PIGL: variants seen among roughly 807,000 people sequenced by gnomAD.
PIGL encodes phosphatidylinositol glycan anchor biosynthesis class L, also known as N-acetylglucosaminyl-phosphatidylinositol de-N-acetylase.
PIGL carries 22 observed loss-of-function variants against 31.1 expected under a neutral mutation model. The ratio of observed to expected loss-of-function variants is 0.71; its 90% CI spans 0.51 to 1.01. The LOEUF (loss-of-function observed/expected upper bound fraction) is 1.01, where lower values mean the gene tolerates loss of function less well. Among genes scored for constraint, PIGL ranks in the 50% least tolerant of loss-of-function variants. The pLI is 0.00. For synonymous variants in PIGL, 131 were observed against 117.4 expected (o/e 1.12, Z -0.75); for missense variants, 302 against 315.9 (o/e 0.96, Z 0.33).
intron 1 of PIGL, 185 bp downstream of exon 1, chr17:16,217,646 A>ATCTACACTCCAACCAT: frequency 5.9e-6 from 3 of 511,620 alleles, no homozygotes; most frequent in Admixed American, 7.2e-5. Context: ...GGGTTGGGGG[A>ATCTACACTCCAACCAT]CGTCGGCAGC....
At chr17:16,311,994 T>C (rs1198017069) in intron 3 of PIGL, among the ~76,000 whole-genome samples, 10 of 151,396 alleles carry the variant, frequency 6.6e-5, no homozygotes, top group Non-Finnish European at 1.3e-4. Flanking sequence ...GACGGGGTGG[T>C]GGCCGGGCAG....
intron 1 of PIGL, among the ~76,000 whole-genome samples, chr17:16,228,050 CT>C (rs113533456): frequency 0.022 from 2,817 of 127,762 alleles, 54 homozygotes; most frequent in African/African-American, 0.068. Context: ...CCATTTTAAA[CT>C]TTTTTTTTTT....
intron 5 of PIGL, chr17:16,317,301 GTTTGTTTGA>G: frequency 1.0e-6 from 1 of 1,001,522 alleles, no homozygotes; most frequent in Non-Finnish European, 1.2e-6. Flanking sequence ...CATGACTATA[GTTTGTTTGA>G]TTCTTATATC....
chr17:16,307,611 G>T (rs1458828858), intron 3 of PIGL, among the ~76,000 whole-genome samples: 1 of 152,136 alleles, frequency 6.6e-6, no homozygotes, highest in Non-Finnish European at 1.5e-5. Flanking sequence ...CCCAGTGCCT[G>T]GTACAGAGTA....
intron 6 of PIGL, among the ~76,000 whole-genome samples, chr17:16,325,088 G>A (rs556150496): frequency 4.6e-5 from 7 of 152,184 alleles, no homozygotes; most frequent in African/African-American, 1.7e-4. Context: ...GCTCACGCCT[G>A]TAATCCCAGC....
chr17:16,313,647 G>T, intron 4 of PIGL, 33 bp downstream of exon 4: 1 of 1,541,470 alleles, frequency 6.5e-7, no homozygotes, highest in Non-Finnish European at 9.0e-7. Flanking sequence ...TGTGGGGGAG[G>T]GTTTGTTTAT....
In PIGL at chr17:16,255,304, C is replaced by T. The variant is rs1222966855; in HGVS notation, c.335+21234C>T. Among the ~76,000 whole-genome samples, 4 of 152,240 alleles carry T rather than the reference C, an allele frequency of 2.6e-5. No homozygotes were observed. In the East Asian group the frequency reaches 7.7e-4, roughly 29 times the overall value. ...ACTTAGGTTTGAAAGTATTTTTCTA[C>T]ATCTATTTATTTTGCCATTCTACAG... On this transcript the variant is annotated intron_variant, in intron 2 of 6. Coordinates refer to ENST00000225609, the MANE Select transcript of PIGL (RefSeq NM_004278.4).
At chr17:16,278,489 T>C (rs1194113015) in intron 2 of PIGL, among the ~76,000 whole-genome samples, 1 of 152,256 alleles carries the variant, frequency 6.6e-6, no homozygotes, top group East Asian at 1.9e-4. Flanking sequence ...CCCTTTACAA[T>C]TTTTGTTAAA....
chr17:16,258,147 G>A (rs1166668616), intron 2 of PIGL, among the ~76,000 whole-genome samples: 1 of 148,084 alleles, frequency 6.8e-6, no homozygotes, highest in African/African-American at 2.5e-5. Flanking sequence ...GAAAGAGAGA[G>A]AGAGAGAGAG....
chr17:16,229,858 A>ATTTTTTTTTTTTTTTTTTTTTT (rs71150280), intron 1 of PIGL, among the ~76,000 whole-genome samples: 1 of 97,700 alleles, frequency 1.0e-5, no homozygotes, highest in African/African-American at 4.3e-5. Flanking sequence ...TAAAGTCATG[A>ATTTTTTTTTTTTTTTTTTTTTT]TTTTTTTTTT....
chr17:16,234,227 T>C (rs2092690679), intron 2 of PIGL, 157 bp downstream of exon 2: 2 of 506,452 alleles, frequency 3.9e-6, no homozygotes, highest in Non-Finnish European at 7.1e-6. Context: ...CCCAGTACTT[T>C]GGGAGGCCGA....
At chr17:16,301,570 ATT>A (rs3034004) in intron 3 of PIGL, among the ~76,000 whole-genome samples, 47,539 of 111,954 alleles carry the variant, frequency 0.42, 9,339 homozygotes, top group Middle Eastern at 0.57. Context: ...CCAATTTTTA[ATT>A]TTTTTTTTTT....
intron 2 of PIGL, among the ~76,000 whole-genome samples, chr17:16,266,783 G>C (rs2092845459): frequency 6.6e-6 from 1 of 151,782 alleles, no homozygotes; most frequent in Admixed American, 6.6e-5. Flanking sequence ...ATTTTTAGTA[G>C]AGACGGGGTT....
chr17:16,292,816 ACT>A (rs1227011307), intron 2 of PIGL, among the ~76,000 whole-genome samples: 7 of 151,978 alleles, frequency 4.6e-5, no homozygotes, highest in African/African-American at 1.7e-4. Context: ...TCATTACTCT[ACT>A]CTGTCTGGCT....
At chr17:16,253,086 G>A (rs1308379264) in intron 2 of PIGL, among the ~76,000 whole-genome samples, 3 of 152,080 alleles carry the variant, frequency 2.0e-5, no homozygotes, top group African/African-American at 7.2e-5. Flanking sequence ...GGGTGATGGC[G>A]CATGCCTGGC....
At chr17:16,270,109 G>A (rs550962582) in intron 2 of PIGL, among the ~76,000 whole-genome samples, 3 of 151,962 alleles carry the variant, frequency 2.0e-5, no homozygotes, top group South Asian at 2.1e-4. Context: ...CAACATCTGC[G>A]AAATGCTGTC....
In PIGL at chr17:16,325,843, G is replaced by C; in HGVS notation, c.704G>C (p.Arg235Pro). ...CGCAGCCAGCTCCTCTGGTTCCGCC[G>C]CCTCTACATTATCTTCTCCCGGTAC... ...CHRSQLLWFRRLYIIFSRYMR... is the reference protein window; with the variant it reads ...CHRSQLLWFRPLYIIFSRYMR... Residue 235 changes from arginine (R) to proline (P), a missense_variant, in exon 7 of 7, where the codon CGC becomes CCC. Arg to Pro is a moderately radical substitution (Grantham distance 103). Transcript: ENST00000225609. The C allele has an allele frequency of 6.2e-7, 1 of 1,613,930 alleles. No homozygotes were observed.
intron 2 of PIGL, among the ~76,000 whole-genome samples, chr17:16,245,372 C>T (rs1022192694): frequency 6.6e-6 from 1 of 151,906 alleles, no homozygotes; most frequent in Non-Finnish European, 1.5e-5. Flanking sequence ...GATGATCCAC[C>T]TGCCTCGGCC....
intron 2 of PIGL, among the ~76,000 whole-genome samples, chr17:16,285,609 T>C (rs1190921021): frequency 6.6e-6 from 1 of 152,106 alleles, no homozygotes; most frequent in Non-Finnish European, 1.5e-5. Flanking sequence ...ATTTGGGGGC[T>C]TCAAGCCGTA....
Sources: allele counts gnomAD v4.1 joint callset (sites outside exome capture counted in the v4.1 genomes callset), GRCh38; gene constraint gnomAD v4.1.1; transcripts MANE v1.5; gene names NCBI Gene and HGNC (gene_info 2026-07-23, HGNC 2026-07-21).